The following PRRC2C variants were observed in gnomAD, a reference collection of about 807,000 sequenced individuals.
The protein encoded by PRRC2C is proline rich coiled-coil 2C, also known as protein PRRC2C.
Under a neutral mutation model 317.2 loss-of-function variants are expected in PRRC2C, and 72 were observed. That is an observed-to-expected ratio of 0.23 (90% CI 0.19 to 0.28). PRRC2C has a LOEUF of 0.28. PRRC2C is among the 10% of genes least tolerant of loss of function. The probability of loss-of-function intolerance (pLI) is 1.00; values close to 1 mark genes in which losing one functional copy is unlikely to be tolerated. For synonymous variants in PRRC2C, 1,296 were observed against 1,205.9 expected, an observed-to-expected ratio of 1.07 and a Z score of -1.55; for missense variants, 3,074 against 3,459.7, an observed-to-expected ratio of 0.89 and a Z score of 2.80.
chr1:171,545,698 G>A lies in PRRC2C; in HGVS notation c.4972+11G>A, dbSNP rs1323064166. On this transcript the variant is annotated intron_variant, in intron 17 of 34. Coordinates refer to ENST00000647382, the MANE Select transcript of PRRC2C (RefSeq NM_001387844.1). Reference sequence around the variant, plus strand: ...TCAACAATTATGCAAGTATGTCTTAGGTTTCTTTCATTTTATTTATTTATT... The same window carrying A: ...TCAACAATTATGCAAGTATGTCTTAAGTTTCTTTCATTTTATTTATTTATT... 2.3e-6 allele frequency: 3 copies of A among 1,331,876 alleles called. No individual in the cohort carries two copies. The highest frequency in any genetic ancestry group is 2.9e-6 in the Non-Finnish European group (3 of 1,020,410). The allele number at this position is 1,331,876 out of a possible 1,614,324, so 82.5% of individuals were successfully genotyped here. A position where few individuals can be genotyped will look rare whatever the true frequency, so the allele number is the denominator to read the frequency against.
chr1:171,505,849 C>T lies in PRRC2C; in HGVS notation c.-57-6183C>T, dbSNP rs145275922. The stretch of plus-strand genomic sequence containing the variant: ...AGTGGGCCGCATATATGACAGTGGC[C>T]TCATAAGATTATAATACCATATTTT... On this transcript the variant is annotated intron_variant, in intron 1 of 34. Coordinates refer to ENST00000647382, the MANE Select transcript of PRRC2C (RefSeq NM_001387844.1). Among the ~76,000 whole-genome samples, 138 of 152,272 alleles carry T rather than the reference C, an allele frequency of 9.1e-4. 1 individual carries two copies. In the East Asian group the frequency reaches 0.02, roughly 22 times the overall value.
chr1:171,550,614 C>T, intron 18 of PRRC2C, among the ~76,000 whole-genome samples: 1 of 131,158 alleles, frequency 7.6e-6, no homozygotes, highest in Non-Finnish European at 1.6e-5. Context: ...CTATCCCTCC[C>T]CCCTCCCCCC....
chr1:171,486,938 T>C (rs1395268129), intron 1 of PRRC2C, among the ~76,000 whole-genome samples: 1 of 152,224 alleles, frequency 6.6e-6, no homozygotes, highest in Non-Finnish European at 1.5e-5. Context: ...CACTGCAGCA[T>C]CTTTTCTGGC....
At chr1:171,588,604 C>T (rs1191924747) in intron 33 of PRRC2C, 99 bp downstream of exon 33, 3 of 1,281,856 alleles carry the variant, frequency 2.3e-6, no homozygotes, top group South Asian at 1.4e-5. Context: ...TTAAGAAGTA[C>T]AGTTTTTAAT....
At chr1:171,538,628 T>C (rs901859696) in intron 15 of PRRC2C, among the ~76,000 whole-genome samples, 1 of 152,246 alleles carries the variant, frequency 6.6e-6, no homozygotes, top group Non-Finnish European at 1.5e-5. Flanking sequence ...TGGAAATTAC[T>C]GGTCTTGATG....
intron 23 of PRRC2C, among the ~76,000 whole-genome samples, chr1:171,568,955 A>AATAT (rs1684197835): frequency 6.6e-6 from 1 of 152,224 alleles, no homozygotes; most frequent in Admixed American, 6.5e-5. Flanking sequence ...CCATGTTACT[A>AATAT]ATATAATTCA....
chr1:171,540,614 G>A lies in PRRC2C; in HGVS notation c.3148G>A (p.Val1050Ile). 1.2e-6 allele frequency: 2 copies of A among 1,613,912 alleles called. No individual in the cohort carries two copies. Among genetic ancestry groups the A allele is most frequent in the Non-Finnish European group, 1.7e-6 (2 of 1,179,882 alleles). ...CGAAAAGGTCACTGAAAAAGTAGTT[G>A]TAAAGCCTGAAAAGACGGAAAAGAA... ...KAEKVTEKVV[V>I]KPEKTEKKDL... The change falls in exon 16 of 35, where the codon GTA (valine) becomes ATA (isoleucine). Residue 1050 changes from valine to isoleucine, a missense_variant. Physicochemically the swap from Val to Ile is conservative, Grantham distance 29. Transcript: ENST00000647382.
At chr1:171,501,213 T>C (rs1450497812) in intron 1 of PRRC2C, among the ~76,000 whole-genome samples, 4 of 151,632 alleles carry the variant, frequency 2.6e-5, no homozygotes, top group Non-Finnish European at 5.9e-5. Context: ...ACTACAGCTT[T>C]GACCTCCTGG....
At chr1:171,522,031 A>G (rs1296552537) in intron 6 of PRRC2C, 146 bp from the exon 7 acceptor site, 2 of 357,666 alleles carry the variant, frequency 5.6e-6, no homozygotes, top group African/African-American at 4.3e-5. Context: ...GGATGAACAG[A>G]TAACAGTCAT....
chr1:171,490,727 G>A (rs1345302763), intron 1 of PRRC2C, among the ~76,000 whole-genome samples: 1 of 152,174 alleles, frequency 6.6e-6, no homozygotes, highest in East Asian at 1.9e-4. Context: ...CTTTGGATTT[G>A]GCTGTGATAT....
At chr1:171,535,978 A>T in intron 13 of PRRC2C, 51 bp from the exon 14 acceptor site, 2 of 1,540,490 alleles carry the variant, frequency 1.3e-6, no homozygotes, top group Non-Finnish European at 1.8e-6. Flanking sequence ...TGATTATGTT[A>T]ATTTGTCATG....
At chr1:171,522,330 TTG>T in intron 7 of PRRC2C, 71 bp downstream of exon 7, 1 of 1,078,602 alleles carries the variant, frequency 9.3e-7, no homozygotes, top group Non-Finnish European at 1.4e-6. Flanking sequence ...GTTGAGTGGA[TTG>T]TGTGATTCTG....
At chr1:171,558,692 C>T (rs1471387552) in intron 19 of PRRC2C, among the ~76,000 whole-genome samples, 1 of 151,726 alleles carries the variant, frequency 6.6e-6, no homozygotes, top group East Asian at 1.9e-4. Flanking sequence ...ACCAGCTGTT[C>T]CCTGATATCT....
At position 171,577,444 on chromosome 1, in the gene PRRC2C, A is replaced by G; in HGVS notation, c.6966A>G (p.Thr2322=). 2 of 1,605,486 alleles carry G rather than the reference A, an allele frequency of 1.2e-6. No individual in the cohort carries two copies. Among genetic ancestry groups the G allele is most frequent in the South Asian group, 1.1e-5 (1 of 90,570 alleles). ...CTTCCCCAAATATAGGAGCTGGTAC[A>G]TACACTACCTCTTCTTTGAGCACAA... is the stretch of plus-strand genomic sequence containing the variant. ...TPTASLSGAG[T]YTTSSLSTKS... Residue 2322 remains threonine (T), a synonymous_variant, in exon 26 of 35, where the codon ACA becomes ACG. Transcript: ENST00000647382.
In PRRC2C at chr1:171,563,520, T is replaced by G. The variant is rs542072952; in HGVS notation, c.6117+2417T>G. On this transcript the variant is annotated intron_variant, in intron 20 of 34. Coordinates refer to ENST00000647382, the MANE Select transcript of PRRC2C (RefSeq NM_001387844.1). The stretch of plus-strand genomic sequence containing the variant: ...AAGGAGAGCCAACTGTATAAAGAAC[T>G]TGAACGTCATTTTGCTATAAAGGAG... 9.3e-4 allele frequency among the ~76,000 whole-genome samples: 141 copies of G among 152,262 alleles called. 1 individual carries two copies. The highest frequency in any genetic ancestry group is 1.7e-3 in the Non-Finnish European group (115 of 67,980).
At position 171,539,252 on chromosome 1, in the gene PRRC2C, C is replaced by A. The variant is rs191947499; in HGVS notation, c.2505-719C>A. Among the ~76,000 whole-genome samples, 7 of 152,268 alleles carry A rather than the reference C, an allele frequency of 4.6e-5. No homozygotes were observed. The East Asian group carries it at 1.4e-3, about 29-fold the overall frequency. ...CCGACCTCAGGTGATCCGCCCTCCT[C>A]GGCCTCCCAAAGTGAGGATTGGGAT... On this transcript the variant is annotated intron_variant, in intron 15 of 34. Coordinates refer to ENST00000647382, the MANE Select transcript of PRRC2C (RefSeq NM_001387844.1).
At chr1:171,508,963 C>A (rs535130194) in intron 1 of PRRC2C, among the ~76,000 whole-genome samples, 5 of 151,952 alleles carry the variant, frequency 3.3e-5, no homozygotes, top group African/African-American at 1.2e-4. Context: ...CTCTGCTCAC[C>A]GCAAGCTCCG....
At chr1:171,580,236 G>T (rs575355895) in intron 28 of PRRC2C, among the ~76,000 whole-genome samples, 1 of 152,172 alleles carries the variant, frequency 6.6e-6, no homozygotes, top group Non-Finnish European at 1.5e-5. Context: ...GAAAGTAGCT[G>T]CTAAAGAACC....
chr1:171,526,583 C>A (rs1674603401), intron 10 of PRRC2C, among the ~76,000 whole-genome samples: 1 of 151,988 alleles, frequency 6.6e-6, no homozygotes, highest in Non-Finnish European at 1.5e-5. Flanking sequence ...AATGACCCAC[C>A]CGCCTCAGCC....
Sources: gnomAD v4.1 joint callset for allele counts (sites outside exome capture counted in the v4.1 genomes callset) on GRCh38, gnomAD v4.1.1 for gene constraint, MANE v1.5 for transcripts, NCBI Gene and HGNC (gene_info 2026-07-23, HGNC 2026-07-21) for gene names.